EYS: variants seen among roughly 807,000 people sequenced by gnomAD.
EYS encodes the protein EGF-like photoreceptor maintenance factor.
Under a neutral mutation model 282.1 loss-of-function variants are expected in EYS, and 250 were observed. The ratio of observed to expected loss-of-function variants is 0.89; its 90% confidence interval spans 0.80 to 0.98. EYS has a LOEUF of 0.98. Ranked by LOEUF, EYS falls within the 50% of genes least tolerant of loss-of-function variation. The pLI is 0.00. For missense variants in EYS, 4,016 were observed against 3,709.0 expected (o/e 1.08, Z -2.15); for synonymous variants, 1,355 against 1,282.9 (o/e 1.06, Z -1.20).
chr6:64,454,877 A>C (rs755147843), intron 26 of EYS, among the ~76,000 whole-genome samples: 8 of 152,170 alleles, frequency 5.3e-5, no homozygotes, highest in Non-Finnish European at 1.0e-4. Context: ...GACGACTTCT[A>C]TGACATTTTT....
chr6:64,234,257 AC>A (rs1291248883), intron 30 of EYS, among the ~76,000 whole-genome samples: 3 of 135,248 alleles, frequency 2.2e-5, no homozygotes, highest in African/African-American at 8.1e-5. Context: ...AAGAAAACTC[AC>A]TTTTTTTTTT....
chr6:64,555,696 G>T (rs1384471748), intron 26 of EYS, among the ~76,000 whole-genome samples: 1 of 151,652 alleles, frequency 6.6e-6, no homozygotes. Flanking sequence ...GATAGTCAAA[G>T]TTATTATAAT....
intron 11 of EYS, among the ~76,000 whole-genome samples, chr6:65,316,315 T>C (rs572819471): frequency 1.3e-5 from 2 of 152,270 alleles, no homozygotes; most frequent in East Asian, 3.9e-4. Context: ...TCCTTACCTA[T>C]CCTAAAGTCT....
At chr6:65,635,790 G>A (rs1438070664) in intron 2 of EYS, among the ~76,000 whole-genome samples, 1 of 152,146 alleles carries the variant, frequency 6.6e-6, no homozygotes, top group Non-Finnish European at 1.5e-5. Flanking sequence ...TTTTTTGCCT[G>A]TCTGACACCT....
intron 41 of EYS, among the ~76,000 whole-genome samples, chr6:63,738,813 G>A (rs935741283): frequency 3.9e-5 from 6 of 151,926 alleles, no homozygotes; most frequent in Middle Eastern, 3.4e-3. Context: ...TCATTTCTAC[G>A]TCAGGCAAAA....
intron 22 of EYS, among the ~76,000 whole-genome samples, chr6:64,661,594 A>G (rs1769024052): frequency 6.6e-6 from 1 of 151,910 alleles, no homozygotes. Context: ...GACACTTCTC[A>G]AAAGAAGACA....
intron 35 of EYS, among the ~76,000 whole-genome samples, chr6:63,945,655 C>G (rs969219292): frequency 6.6e-6 from 1 of 152,064 alleles, no homozygotes; most frequent in African/African-American, 2.4e-5. Flanking sequence ...GTCAATAAAT[C>G]CAGGGAAATG....
intron 2 of EYS, among the ~76,000 whole-genome samples, chr6:65,617,738 T>C (rs977591447): frequency 5.3e-5 from 7 of 131,766 alleles, no homozygotes; most frequent in African/African-American, 2.0e-4. Flanking sequence ...GAGTGTGATG[T>C]TCCCCTTCCT....
chr6:64,195,229 T>C (rs1765246124), intron 31 of EYS, among the ~76,000 whole-genome samples: 2 of 152,226 alleles, frequency 1.3e-5, no homozygotes, highest in African/African-American at 4.8e-5. Context: ...GGTGACAAAC[T>C]GTTTTTTTGA....
intron 35 of EYS, among the ~76,000 whole-genome samples, chr6:63,975,757 G>A (rs1227838123): frequency 6.6e-6 from 1 of 151,956 alleles, no homozygotes; most frequent in Non-Finnish European, 1.5e-5. Flanking sequence ...TCATACCAGA[G>A]CATTGTCTAA....
intron 12 of EYS, among the ~76,000 whole-genome samples, chr6:65,244,367 TAA>T (rs1767126973): frequency 6.6e-6 from 1 of 152,298 alleles, no homozygotes; most frequent in East Asian, 1.9e-4. Context: ...AATTAGCACA[TAA>T]GTTATTCTTT....
At chr6:63,998,961 T>C in intron 34 of EYS, 114 bp downstream of exon 34, 2 of 658,776 alleles carry the variant, frequency 3.0e-6, no homozygotes, top group Non-Finnish European at 5.3e-6. Flanking sequence ...TGAGAGTTTT[T>C]ACAAGGAATC....
chr6:63,720,679 A>G lies in EYS; in HGVS notation c.9352T>C (p.Phe3118Leu), dbSNP rs953147842. Residue 3118 changes from phenylalanine to leucine, a missense_variant, in exon 43 of 43, where the codon TTT (phenylalanine) becomes CTT (leucine). Physicochemically the swap from Phe to Leu is conservative, Grantham distance 22 (BLOSUM62 0). Transcript: ENST00000503581. ...AGTTCAATGTTTTTTGGTTCCTGAA[A>G]AAATACAACATCTTTAATTTTGCCA... is the stretch of plus-strand genomic sequence containing the variant. Reference protein sequence around the residue: ...FVGKIKDVVFFQEPKNIELIK... With the variant: ...FVGKIKDVVFLQEPKNIELIK... 1.2e-5 allele frequency: 18 copies of G among 1,545,540 alleles called. No homozygotes were observed. In the African/African-American group the frequency reaches 2.2e-4, roughly 19 times the overall value.
intron 29 of EYS, among the ~76,000 whole-genome samples, chr6:64,387,192 GTC>G (rs897721593): frequency 1.3e-4 from 19 of 151,976 alleles, no homozygotes; most frequent in African/African-American, 4.1e-4. Context: ...ATGTAATATT[GTC>G]TCTGTCTACA....
chr6:64,042,397 A>G (rs529681380), intron 33 of EYS, among the ~76,000 whole-genome samples: 2 of 152,348 alleles, frequency 1.3e-5, no homozygotes, highest in East Asian at 3.9e-4. Flanking sequence ...ATGGGGAATA[A>G]GTATGCCCTG....
intron 26 of EYS, among the ~76,000 whole-genome samples, chr6:64,569,896 C>T (rs1765671990): frequency 6.6e-6 from 1 of 152,006 alleles, no homozygotes; most frequent in Admixed American, 6.6e-5. Flanking sequence ...TCCAGAACTT[C>T]CCCTGGCAAG....
chr6:65,692,543 C>T (rs1267699355), intron 1 of EYS, among the ~76,000 whole-genome samples: 1 of 149,954 alleles, frequency 6.7e-6, no homozygotes, highest in Non-Finnish European at 1.5e-5. Flanking sequence ...AGTGGATATA[C>T]ATTTTTCCTT....
intron 35 of EYS, among the ~76,000 whole-genome samples, chr6:63,963,902 A>G (rs962232638): frequency 6.6e-6 from 1 of 152,222 alleles, no homozygotes; most frequent in Admixed American, 6.5e-5. Flanking sequence ...TGTGAACTCC[A>G]GGTTCATTTT....
At chr6:64,728,057 T>C (rs2149949516) in intron 22 of EYS, among the ~76,000 whole-genome samples, 1 of 152,194 alleles carries the variant, frequency 6.6e-6, no homozygotes, top group South Asian at 2.1e-4. Flanking sequence ...AGGGGTGGAC[T>C]CCCCTGGCTC....
Sources: gnomAD v4.1 joint callset for allele counts (sites outside exome capture counted in the v4.1 genomes callset) on GRCh38, gnomAD v4.1.1 for gene constraint, MANE v1.5 for transcripts, NCBI Gene and HGNC (gene_info 2026-07-23, HGNC 2026-07-21) for gene names.